Variants in ACE observed in about 807,000 individuals in gnomAD.
ACE encodes the protein angiotensin-converting enzyme.
Under a neutral mutation model 162.3 loss-of-function variants are expected in ACE, and 122 were observed. The observed-to-expected ratio is 0.75, with a 90% CI of 0.65 to 0.87. ACE has a LOEUF of 0.87. Among genes scored for constraint, ACE ranks in the 40% least tolerant of loss-of-function variants. The probability of loss-of-function intolerance (pLI) is 0.00; values close to 1 mark genes in which losing one functional copy is unlikely to be tolerated. For synonymous variants in ACE, 796 were observed against 720.6 expected, an observed-to-expected ratio of 1.10 and a Z score of -1.68; for missense variants, 1,799 against 1,735.1, an observed-to-expected ratio of 1.04 and a Z score of -0.65.
chr17:63,495,733 G>A (rs191174352), intron 22 of ACE, among the ~76,000 whole-genome samples: 14 of 152,326 alleles, frequency 9.2e-5, no homozygotes, highest in African/African-American at 3.4e-4. Flanking sequence ...AAACAGGGGT[G>A]GGCAAAGGAG....
At chr17:63,496,570 C>A in intron 23 of ACE, 54 bp downstream of exon 23, 1 of 1,612,530 alleles carries the variant, frequency 6.2e-7, no homozygotes, top group Non-Finnish European at 8.5e-7. Context: ...CGCCCCTGGG[C>A]CTTGAGGGGT....
Position 63,483,567 on chromosome 17 carries a change from G to GCGGGCCCCCCCCCCCCC in ACE, c.1586+10_1586+11insGGGCCCCCCCCCCCCCC. On this transcript the variant is annotated intron_variant, in intron 10 of 24. Coordinates refer to ENST00000290866, the MANE Select transcript of ACE (RefSeq NM_000789.4). ...GTGACACCATACATCAGGTATTAGCGCCCCCACCCCACCCACCCCCAGTAC... is the reference window on the plus strand; with the variant it reads ...GTGACACCATACATCAGGTATTAGCGCGGGCCCCCCCCCCCCCCCCCCACCCCACCCACCCCCAGTAC... The GCGGGCCCCCCCCCCCCC allele has an allele frequency of 6.3e-7, 1 of 1,589,564 alleles. No homozygotes were observed. The highest frequency in any genetic ancestry group is 8.6e-7 in the Non-Finnish European group (1 of 1,165,680).
intron 14 of ACE, 94 bp downstream of exon 14, chr17:63,486,809 C>T: frequency 1.9e-6 from 3 of 1,552,662 alleles, no homozygotes; most frequent in Admixed American, 3.4e-5. Flanking sequence ...TCCTCTTCCT[C>T]GTTGTATCAA....
In ACE at chr17:63,498,221, G is replaced by A. The variant is rs1431801640; in HGVS notation, c.*855G>A. 1.3e-5 allele frequency: 2 copies of A among 152,300 alleles called. No homozygotes were observed. The highest frequency in any genetic ancestry group is 4.8e-5 in the African/African-American group (2 of 41,456). 9.4% of individuals were successfully genotyped at this position (152,300 alleles called of 1,614,324 possible). ...GGGATTAGCTGCCAGCAGCCACCCT[G>A]CTGGCGTCCCAGCACACACCTCCTC... On this transcript the variant is annotated 3_prime_UTR_variant, in exon 25 of 25. Coordinates refer to ENST00000290866, the MANE Select transcript of ACE (RefSeq NM_000789.4).
At chr17:63,479,714 G>GT (rs2049675106) in intron 3 of ACE, 55 bp from the exon 4 acceptor site, 1 of 1,607,992 alleles carries the variant, frequency 6.2e-7, no homozygotes, top group Non-Finnish European at 8.5e-7. Flanking sequence ...GGTGAAGGCC[G>GT]TTGAAGACTT....
rs781754525 is a variant in ACE at position 63,485,414 on chromosome 17, A to G, written c.2058+42A>G. 1.9e-6 allele frequency: 3 copies of G among 1,611,872 alleles called. No homozygotes were observed. The South Asian group carries it at 3.3e-5, about 18-fold the overall frequency. On this transcript the variant is annotated intron_variant, in intron 13 of 24. Coordinates refer to ENST00000290866, the MANE Select transcript of ACE (RefSeq NM_000789.4). ...CACCCCCAAACCTGAGCATGTGCAT[A>G]CACACAGAGATGCTGTCCCGCTCAC... is the stretch of plus-strand genomic sequence containing the variant.
chr17:63,489,811 C>T (rs1417548821), intron 17 of ACE: 2 of 153,284 alleles, frequency 1.3e-5, no homozygotes, highest in African/African-American at 4.8e-5. Flanking sequence ...TAAGGGAGGC[C>T]CCAGAGGACG....
chr17:63,477,741 A>G (rs1258018762), intron 1 of ACE, 190 bp from the exon 2 acceptor site: 1 of 671,282 alleles, frequency 1.5e-6, no homozygotes, highest in South Asian at 1.9e-5. Context: ...CACCATTCCC[A>G]TGAGGCAGAT....
intron 17 of ACE, among the ~76,000 whole-genome samples, chr17:63,489,399 G>A (rs1040273619): frequency 6.6e-6 from 1 of 152,112 alleles, no homozygotes; most frequent in Non-Finnish European, 1.5e-5. Context: ...AGGAGACCAC[G>A]GCACCCATCA....
chr17:63,480,584 AG>A, intron 5 of ACE, 56 bp downstream of exon 5: 1 of 1,594,694 alleles, frequency 6.3e-7, no homozygotes, highest in Non-Finnish European at 8.6e-7. Context: ...GTCCCGAGGT[AG>A]GGGTGGGGGA....
At chr17:63,486,906 A>T in intron 14 of ACE, 80 bp from the exon 15 acceptor site, 1 of 1,488,308 alleles carries the variant, frequency 6.7e-7, no homozygotes, top group Non-Finnish European at 9.4e-7. Flanking sequence ...CTGCCAGCCC[A>T]TGGGGCCTGG....
Position 63,494,035 on chromosome 17 carries a change from G to C in ACE, c.3250G>C (p.Glu1084Gln). Residue 1084 changes from glutamate to glutamine, a missense_variant, in exon 21 of 25, where the codon GAG becomes CAG. Physicochemically the swap from Glu to Gln is conservative, Grantham distance 29. Transcript: ENST00000290866. Reference protein sequence around the residue: ...WRVFDGSITKENYNQEWWSLR... With the variant: ...WRVFDGSITKQNYNQEWWSLR... ...GGTATTTGATGGAAGCATCACCAAG[G>C]AGAACTATAACCAGGAGTGGTGGAG... 3 of 1,614,134 alleles carry C rather than the reference G, an allele frequency of 1.9e-6. No individual in the cohort carries two copies. The highest frequency in any genetic ancestry group is 1.7e-6 in the Non-Finnish European group (2 of 1,180,040).
rs772201818 is a variant in ACE, at chr17:63,478,001, C to G, written c.320C>G (p.Pro107Arg). Residue 107 changes from proline (P) to arginine (R), a missense_variant, in exon 2 of 25, where the codon CCG (proline) becomes CGG (arginine). Coordinates refer to ENST00000290866, the MANE Select transcript of ACE (RefSeq NM_000789.4). Reference protein sequence around the residue: ...WGQKAKELYEPIWQNFTDPQL... With the variant: ...WGQKAKELYERIWQNFTDPQL... ...CAGAAGGCCAAGGAGCTGTATGAACCGATCTGGCAGAACTTCACGGACCCG... is the reference window on the plus strand; with the variant it reads ...CAGAAGGCCAAGGAGCTGTATGAACGGATCTGGCAGAACTTCACGGACCCG... 14 of 1,611,870 alleles carry G rather than the reference C, an allele frequency of 8.7e-6. No individual in the cohort carries two copies. In the Admixed American group the frequency reaches 1.0e-4, roughly 12 times the overall value.
intron 1 of ACE, 56 bp downstream of exon 1, chr17:63,477,399 A>G: frequency 1.7e-6 from 2 of 1,173,470 alleles, no homozygotes; most frequent in Non-Finnish European, 2.1e-6. Flanking sequence ...CAATCACAGC[A>G]CGCGGCCGGC....
intron 5 of ACE, 44 bp from the exon 6 acceptor site, chr17:63,481,047 C>A: frequency 6.3e-7 from 1 of 1,590,730 alleles, no homozygotes; most frequent in Non-Finnish European, 8.6e-7. Context: ...GAAGCAGGCA[C>A]AGCCAGGCAG....
At chr17:63,486,412 A>C in intron 13 of ACE, 145 bp from the exon 14 acceptor site, 1 of 863,776 alleles carries the variant, frequency 1.2e-6, no homozygotes, top group Non-Finnish European at 1.9e-6. Context: ...TCCAGCTTGC[A>C]GAGAGTCTTA....
At position 63,488,598 on chromosome 17, in the gene ACE, A is replaced by G. The variant is rs776952987; in HGVS notation, c.2306-50A>G. On this transcript the variant is annotated intron_variant, in intron 15 of 24. Coordinates refer to ENST00000290866, the MANE Select transcript of ACE (RefSeq NM_000789.4). ...TGAAATTCTCTGAGCTCCCCTTACAAGCAGAGGTGAGCTAAGGGCTGGAGC... is the reference window on the plus strand; with the variant it reads ...TGAAATTCTCTGAGCTCCCCTTACAGGCAGAGGTGAGCTAAGGGCTGGAGC... 4 of 1,588,726 alleles carry G rather than the reference A, an allele frequency of 2.5e-6. No individual in the cohort carries two copies. The East Asian group carries it at 9.1e-5, about 36-fold the overall frequency.
chr17:63,491,958 G>T lies in ACE; in HGVS notation c.2912+577G>T, dbSNP rs1417454680. Among the ~76,000 whole-genome samples, 1 of 152,220 alleles carries T rather than the reference G, an allele frequency of 6.6e-6. No homozygotes were observed. Among genetic ancestry groups the T allele is most frequent in the Admixed American group, 6.5e-5 (1 of 15,282 alleles). On this transcript the variant is annotated intron_variant, in intron 19 of 24. Coordinates refer to ENST00000290866, the MANE Select transcript of ACE (RefSeq NM_000789.4). This position sits in a 1 kb window ranked among gnomAD's most constrained non-coding sequence, Gnocchi z 4.4. ...TTTCTCTACAGGGCCCCCTCTGTTG[G>T]GGGCAGCTCTCACAGCCGGGATGGC...
At chr17:63,483,763 C>A (rs1210689724) in intron 10 of ACE, 86 bp from the exon 11 acceptor site, 1 of 1,604,738 alleles carries the variant, frequency 6.2e-7, no homozygotes, top group East Asian at 2.2e-5. Context: ...AGCCTCTGCC[C>A]TGCAGGAAGC....
Sources: gnomAD v4.1 joint callset for allele counts (sites outside exome capture counted in the v4.1 genomes callset) on GRCh38, gnomAD v4.1.1 for gene constraint, Gnocchi (gnomAD v3.1) non-coding constraint, MANE v1.5 for transcripts, NCBI Gene and HGNC (gene_info 2026-07-23, HGNC 2026-07-21) for gene names.